Variants in FLT4 observed in about 807,000 individuals in gnomAD.
FLT4 encodes vascular endothelial growth factor receptor 3.
Under a neutral mutation model 163.2 loss-of-function variants are expected in FLT4, and 30 were observed. That is an observed-to-expected ratio of 0.18 (90% CI 0.14 to 0.25). The LOEUF (loss-of-function observed/expected upper bound fraction) is 0.25. Ranked by LOEUF, FLT4 falls within the 10% of genes least tolerant of loss-of-function variation. The pLI, the probability that FLT4 is intolerant of heterozygous loss-of-function variation, is 1.00. For missense variants in FLT4, 1,510 were observed against 1,863.8 expected, an observed-to-expected ratio of 0.81 and a Z score of 3.50; for synonymous variants, 884 against 789.5, an observed-to-expected ratio of 1.12 and a Z score of -2.01.
Position 180,628,940 on chromosome 5 carries a change from C to T in FLT4, c.1045G>A (p.Asp349Asn). The T allele has an allele frequency of 5.0e-6, 8 of 1,612,816 alleles. No homozygotes were observed. The highest frequency in any genetic ancestry group is 5.9e-6 in the Non-Finnish European group (7 of 1,179,980). ...TTCACGGGCAGCTTCACCAGCTCGT[C>T]TCCTGCCGTGGCCTCCAGGATGGGT... ...KGPILEATAGDELVKLPVKLA... is the reference protein window; with the variant it reads ...KGPILEATAGNELVKLPVKLA... The change falls in exon 8 of 30, where the codon GAC becomes AAC. Residue 349 changes from aspartate to asparagine, a missense_variant. Transcript: ENST00000261937.
Position 180,649,504 on chromosome 5 carries a change from G to A in FLT4, c.42C>T (p.Cys14=). The change falls in exon 1 of 30, where the codon TGC becomes TGT. Residue 14 remains cysteine (C), a synonymous_variant. Transcript: ENST00000261937. ...GAALCLRLWL[C]LGLLDGLVSG... The stretch of plus-strand genomic sequence containing the variant: ...CGCGCTCACCGTCCAGGAGTCCCAG[G>A]CAGAGCCACAGTCGCAGGCACAGCG... 2 of 1,459,470 alleles carry A rather than the reference G, an allele frequency of 1.4e-6. No individual in the cohort carries two copies. Among genetic ancestry groups the A allele is most frequent in the Non-Finnish European group, 1.8e-6 (2 of 1,108,562 alleles). The allele number at this position is 1,459,470 out of a possible 1,614,324, so 90.4% of individuals were successfully genotyped here.
chr5:180,613,969 C>T (rs553778250), intron 24 of FLT4, 99 bp downstream of exon 24: 11 of 862,754 alleles, frequency 1.3e-5, no homozygotes, highest in South Asian at 5.3e-5. Flanking sequence ...TGGCACACAC[C>T]TCCAGGTGCC....
In FLT4 at chr5:180,603,197, A is replaced by G. The variant is rs768540740; in HGVS notation, c.4087T>C (p.Tyr1363His). Reference protein sequence around the residue: ...ARVTFFTDNSY With the variant: ...ARVTFFTDNSH ...GGGGTCTTGTCCGATGCTGCTTAGT[A>G]GCTGTTGTCTGTGAAGAAAGTCACG... Residue 1363 changes from tyrosine (Y) to histidine (H), a missense_variant, in exon 30 of 30, where the codon TAC becomes CAC. Physicochemically the swap from Tyr to His is moderately conservative, Grantham distance 83. Transcript: ENST00000261937. 6.2e-7 allele frequency: 1 copy of G among 1,613,842 alleles called. No homozygotes were observed. The highest frequency in any genetic ancestry group is 8.5e-7 in the Non-Finnish European group (1 of 1,180,008).
At chr5:180,609,759 T>A (rs561912342) in intron 28 of FLT4, 146 bp downstream of exon 28, 89 of 980,110 alleles carry the variant, frequency 9.1e-5, no homozygotes, top group South Asian at 8.8e-4. Flanking sequence ...AGGGCCCAAA[T>A]GTGCCCAAGG....
At chr5:180,644,511 G>A (rs928312053) in intron 1 of FLT4, among the ~76,000 whole-genome samples, 3 of 152,154 alleles carry the variant, frequency 2.0e-5, no homozygotes, top group Admixed American at 6.5e-5. Context: ...CTTCTTTCCC[G>A]CTTGGCCCCC....
rs1581683154 is a variant in FLT4 at position 180,631,594 on chromosome 5, G to A, written c.155+88C>T. 3 of 1,064,096 alleles carry A rather than the reference G, an allele frequency of 2.8e-6. No homozygotes were observed. In the East Asian group the frequency reaches 7.1e-5, roughly 25 times the overall value. The allele number at this position is 1,064,096 out of a possible 1,614,324, so 65.9% of individuals were successfully genotyped here. A position where few individuals can be genotyped will look rare whatever the true frequency, so the allele number is the denominator to read the frequency against. On this transcript the variant is annotated intron_variant, in intron 2 of 29. Coordinates refer to ENST00000261937, the MANE Select transcript of FLT4 (RefSeq NM_182925.5). ...CTCTGCCCTGACTCTGCCCTGGGAG[G>A]GGGCTGCCATCTGGGCCCACAGCCA...
intron 1 of FLT4, among the ~76,000 whole-genome samples, chr5:180,642,052 C>CA (rs1423034730): frequency 2.6e-5 from 4 of 152,010 alleles, no homozygotes; most frequent in Non-Finnish European, 5.9e-5. Context: ...ACTAAAAATA[C>CA]AAAAATTAGC....
chr5:180,647,708 G>A (rs1180622213), intron 1 of FLT4, among the ~76,000 whole-genome samples: 2 of 152,008 alleles, frequency 1.3e-5, no homozygotes, highest in Non-Finnish European at 2.9e-5. Context: ...CAGGGCTCAC[G>A]GAGGGATGAC....
chr5:180,620,720 G>C lies in FLT4; in HGVS notation c.2300-5C>G. The C allele has an allele frequency of 1.2e-6, 2 of 1,611,872 alleles. No individual in the cohort carries two copies. Among genetic ancestry groups the C allele is most frequent in the Non-Finnish European group, 1.7e-6 (2 of 1,178,938 alleles). ...TGCTGCCCTTATCCTCGGAGCCTGC[G>C]TGGGCAGAAAGGGGCCGGCGTGTGT... On this transcript the variant is annotated splice_region_variant and splice_polypyrimidine_tract_variant and intron_variant, in intron 15 of 29. Transcript: ENST00000261937. The surrounding 1 kb of genome is among the most constrained non-coding windows in gnomAD (Gnocchi z 4.4).
At chr5:180,640,223 G>T (rs1357621711) in intron 1 of FLT4, among the ~76,000 whole-genome samples, 4 of 152,186 alleles carry the variant, frequency 2.6e-5, no homozygotes, top group Non-Finnish European at 4.4e-5. Flanking sequence ...GCAGCCGGCC[G>T]GCTGCGACTG....
Position 180,620,466 on chromosome 5 carries a change from G to T in FLT4, c.2406+143C>A. On this transcript the variant is annotated intron_variant, in intron 16 of 29. Transcript: ENST00000261937. The surrounding 1 kb of genome is among the most constrained non-coding windows in gnomAD (Gnocchi z 4.4). ...GACAGACAACCTCTGCGGGGTTGGA[G>T]CCCAGCGTGAAGGGCAGGGAGGCTT... 1 of 1,221,242 alleles carries T rather than the reference G, an allele frequency of 8.2e-7. No homozygotes were observed. The highest frequency in any genetic ancestry group is 1.2e-6 in the Non-Finnish European group (1 of 836,380). The allele number at this position is 1,221,242 out of a possible 1,614,324, so 75.7% of individuals were successfully genotyped here. A position where few individuals can be genotyped will look rare whatever the true frequency, so the allele number is the denominator to read the frequency against.
intron 8 of FLT4, among the ~76,000 whole-genome samples, chr5:180,626,747 T>C (rs1408236748): frequency 1.3e-5 from 2 of 152,236 alleles, no homozygotes; most frequent in African/African-American, 4.8e-5. Context: ...GTGCAGTCCC[T>C]GCGAGCACAG....
intron 13 of FLT4, 139 bp downstream of exon 13, chr5:180,621,403 G>C: frequency 7.1e-7 from 1 of 1,417,716 alleles, no homozygotes; most frequent in South Asian, 1.3e-5. Flanking sequence ...CGCAGGGGGC[G>C]GCGGATAGTC....
chr5:180,603,061 T>C lies in FLT4; in HGVS notation c.*131A>G. 1.1e-6 allele frequency: 1 copy of C among 893,240 alleles called. No individual in the cohort carries two copies. The highest frequency in any genetic ancestry group is 2.1e-5 in the Admixed American group (1 of 48,668). 55.3% of individuals were successfully genotyped at this position (893,240 alleles called of 1,614,324 possible). A position where few individuals can be genotyped will look rare whatever the true frequency, so the allele number is the denominator to read the frequency against. ...TCCTGCTCTTCCTAGCTGGGAAGTCTGCAGAGAGGGAAGAGGACACTCCTG... is the reference window on the plus strand; with the variant it reads ...TCCTGCTCTTCCTAGCTGGGAAGTCCGCAGAGAGGGAAGAGGACACTCCTG... On this transcript the variant is annotated 3_prime_UTR_variant, in exon 30 of 30. Coordinates refer to ENST00000261937, the MANE Select transcript of FLT4 (RefSeq NM_182925.5).
In FLT4 at chr5:180,612,628, G is replaced by A. The variant is rs756766439; in HGVS notation, c.3432-17C>T. ...ATGCGGCGTCTGCAGGATCACGTGG[G>A]CTGCTGGACTGCATGCACCCCACCC... On this transcript the variant is annotated splice_polypyrimidine_tract_variant and intron_variant, in intron 25 of 29. Coordinates refer to ENST00000261937, the MANE Select transcript of FLT4 (RefSeq NM_182925.5). The A allele has an allele frequency of 6.3e-7, 1 of 1,590,738 alleles. No homozygotes were observed. Among genetic ancestry groups the A allele is most frequent in the East Asian group, 2.2e-5 (1 of 44,780 alleles).
In FLT4 at chr5:180,649,186, C is replaced by G. The variant is rs1765628336; in HGVS notation, c.58+302G>C. On this transcript the variant is annotated intron_variant, in intron 1 of 29. Coordinates refer to ENST00000261937, the MANE Select transcript of FLT4 (RefSeq NM_182925.5). ...GGCTCAGCGCGCAGCCCGGCAGGGC[C>G]CGGCTCCGAGGACGCGGAGCCACCG... 3.3e-5 allele frequency among the ~76,000 whole-genome samples: 5 copies of G among 151,958 alleles called. No individual in the cohort carries two copies. In the South Asian group the frequency reaches 1.0e-3, roughly 31 times the overall value.
chr5:180,616,288 C>T, intron 23 of FLT4, 79 bp downstream of exon 23: 2 of 1,595,050 alleles, frequency 1.3e-6, no homozygotes, highest in Non-Finnish European at 8.6e-7. Context: ...AGCCCTCCCT[C>T]TCCTGGACAG....
intron 24 of FLT4, chr5:180,613,832 C>T (rs1762402687): frequency 3.4e-6 from 2 of 585,230 alleles, no homozygotes; most frequent in African/African-American, 3.7e-5. Context: ...AGTCCTGGCT[C>T]AGGCTTCAAT....
At chr5:180,608,114 C>G (rs1205269648) in intron 29 of FLT4, 1 of 700,460 alleles carries the variant, frequency 1.4e-6, no homozygotes, top group Admixed American at 2.0e-5. Context: ...CTTCAGTGGT[C>G]ACACTCCTTG....
Sources: allele counts gnomAD v4.1 joint callset (sites outside exome capture counted in the v4.1 genomes callset), GRCh38; gene constraint gnomAD v4.1.1; non-coding constraint Gnocchi (gnomAD v3.1); transcripts MANE v1.5; gene names NCBI Gene and HGNC (gene_info 2026-07-23, HGNC 2026-07-21).